STRADA: variants seen among roughly 807,000 people sequenced by gnomAD.
STRADA encodes STE20-related kinase adapter protein alpha.
In STRADA, 26 loss-of-function variants were observed where a neutral mutation model predicts 55.0. That is an observed-to-expected ratio of 0.47 (90% CI 0.35 to 0.66). STRADA has a LOEUF of 0.66. Among genes scored for constraint, STRADA ranks in the 30% least tolerant of loss-of-function variants. The probability of loss-of-function intolerance (pLI) is 0.01; values close to 1 mark genes in which losing one functional copy is unlikely to be tolerated. For missense variants in STRADA, 443 were observed against 549.7 expected, an observed-to-expected ratio of 0.81 and a Z score of 1.94; for synonymous variants, 197 against 210.9, an observed-to-expected ratio of 0.93 and a Z score of 0.57.
In STRADA at chr17:63,707,367, C is replaced by G; in HGVS notation, c.633G>C (p.Leu211=). 1 of 1,614,152 alleles carries G rather than the reference C, an allele frequency of 6.2e-7. No homozygotes were observed. Among genetic ancestry groups the G allele is most frequent in the Non-Finnish European group, 8.5e-7 (1 of 1,180,030 alleles). Residue 211 remains leucine (L), a synonymous_variant, in exon 9 of 13, where the codon CTG becomes CTC. Coordinates refer to ENST00000336174, the MANE Select transcript of STRADA (RefSeq NM_001003787.4). The part of the protein sequence containing the change: ...ILISVDGKVY[L]SGLRSNLSMI... ...TGCTGAGGTTGCTGCGCAAACCAGACAGGTAGACCTTCCCATCCACAGAGA... is the reference window on the plus strand; with the variant it reads ...TGCTGAGGTTGCTGCGCAAACCAGAGAGGTAGACCTTCCCATCCACAGAGA...
rs143993852 is a variant in STRADA, at chr17:63,703,450, T to C, written c.*149A>G. On this transcript the variant is annotated 3_prime_UTR_variant, in exon 13 of 13. Transcript: ENST00000336174. Reference sequence around the variant, plus strand: ...AGTGAAGTGTCTCTCCAGGATTTTCTTTCCCAATCAGTCAGCAGTCAACTT... The same window carrying C: ...AGTGAAGTGTCTCTCCAGGATTTTCCTTCCCAATCAGTCAGCAGTCAACTT... 2.8e-4 allele frequency: 205 copies of C among 744,922 alleles called. 1 individual carries two copies. The African/African-American group carries it at 3.4e-3, about 12-fold the overall frequency. The allele number at this position is 744,922 out of a possible 1,614,324, so 46.1% of individuals were successfully genotyped here.
chr17:63,703,841 G>C lies in STRADA; in HGVS notation c.1144-90C>G. On this transcript the variant is annotated intron_variant, in intron 12 of 12. Coordinates refer to ENST00000336174, the MANE Select transcript of STRADA (RefSeq NM_001003787.4). ...AAGGAACCATGGCCTGGTGGCAGAC[G>C]GGCTGTCGGAGCCAACTCCATGAGA... The C allele has an allele frequency of 3.1e-6, 5 of 1,609,768 alleles. No homozygotes were observed. In the South Asian group the frequency reaches 5.5e-5, roughly 18 times the overall value.
At chr17:63,725,454 C>T (rs1335751117) in intron 3 of STRADA, among the ~76,000 whole-genome samples, 1 of 151,916 alleles carries the variant, frequency 6.6e-6, no homozygotes, top group African/African-American at 2.4e-5. Flanking sequence ...CGAGTTCAAG[C>T]CATTCTCCTG....
chr17:63,704,748 A>T, intron 10 of STRADA, 166 bp from the exon 11 acceptor site: 1 of 1,525,896 alleles, frequency 6.6e-7, no homozygotes, highest in Non-Finnish European at 8.8e-7. Context: ...TCCCAAAGAA[A>T]CGCTGGTCAC....
In STRADA at chr17:63,711,945, A is replaced by G. The variant is rs183151850; in HGVS notation, c.349-1109T>C. On this transcript the variant is annotated intron_variant, in intron 6 of 12. Coordinates refer to ENST00000336174, the MANE Select transcript of STRADA (RefSeq NM_001003787.4). ...GCCAGACCTTGTCTCAAATAAAGAA[A>G]AAAAAAAGAAAAAGAAAACACAGTT... 8.5e-5 allele frequency among the ~76,000 whole-genome samples: 13 copies of G among 152,252 alleles called. No individual in the cohort carries two copies. In the East Asian group the frequency reaches 2.5e-3, roughly 29 times the overall value.
intron 1 of STRADA, among the ~76,000 whole-genome samples, chr17:63,738,038 C>T (rs977868999): frequency 4.0e-5 from 6 of 150,002 alleles, no homozygotes; most frequent in Non-Finnish European, 5.9e-5. Context: ...CGAAAAGAAA[C>T]GAAAAGAAAA....
chr17:63,704,247 G>A (rs373325629), intron 11 of STRADA, 94 bp downstream of exon 11: 24 of 1,564,550 alleles, frequency 1.5e-5, no homozygotes, highest in East Asian at 2.3e-5. Context: ...TTCCCCTGCA[G>A]AACCTTTGGG....
rs775735734 is a variant in STRADA at position 63,728,323 on chromosome 17, A to G, written c.36+11T>C. The G allele has an allele frequency of 1.9e-6, 3 of 1,613,216 alleles. No homozygotes were observed. The highest frequency in any genetic ancestry group is 4.5e-5 in the East Asian group (2 of 44,856). ...AAAATAGTAAAGCCAGAAGAATAGA[A>G]AAACACTCACCCTGATTCGCTCTGG... On this transcript the variant is annotated intron_variant, in intron 2 of 12. Coordinates refer to ENST00000336174, the MANE Select transcript of STRADA (RefSeq NM_001003787.4).
chr17:63,703,325 C>T lies in STRADA; in HGVS notation c.*274G>A, dbSNP rs560753902. ...GGGCCAGAGCAGCATCTCTCTTCTG[C>T]GGAGGAGGTCACCTGAGCTCACAGG... On this transcript the variant is annotated 3_prime_UTR_variant, in exon 13 of 13. Transcript: ENST00000336174. The T allele has an allele frequency of 2.6e-5, 9 of 352,870 alleles. No homozygotes were observed. Among genetic ancestry groups the T allele is most frequent in the East Asian group, 5.6e-5 (1 of 17,910 alleles). 21.9% of individuals were successfully genotyped at this position (352,870 alleles called of 1,614,324 possible).
intron 1 of STRADA, among the ~76,000 whole-genome samples, chr17:63,740,107 T>TATATATATATATATATATATATATAA (rs1309095081): frequency 4.0e-5 from 2 of 49,650 alleles, no homozygotes; most frequent in East Asian, 6.6e-4. Flanking sequence ...TATATATATA[T>TATATATATATATATATATATATATAA]ACATACATAC....
intron 1 of STRADA, among the ~76,000 whole-genome samples, chr17:63,731,256 CTTTTTTTTT>C (rs60777564): frequency 5.1e-5 from 4 of 78,044 alleles, no homozygotes; most frequent in Non-Finnish European, 8.6e-5. Flanking sequence ...ATATTCTTTC[CTTTTTTTTT>C]TTTTTTTTTT....
At chr17:63,713,250 G>C (rs2036625319) in intron 6 of STRADA, among the ~76,000 whole-genome samples, 156 bp downstream of exon 6, 1 of 152,066 alleles carries the variant, frequency 6.6e-6, no homozygotes, top group Non-Finnish European at 1.5e-5. Context: ...CAGCATTTCA[G>C]CCCAATCCTT....
intron 4 of STRADA, among the ~76,000 whole-genome samples, chr17:63,717,934 AATTATT>A (rs1240233773): frequency 2.0e-5 from 3 of 150,772 alleles, no homozygotes; most frequent in East Asian, 2.0e-4. Flanking sequence ...AATTTTTAAA[AATTATT>A]ATTATTATTA....
At chr17:63,731,242 C>T (rs1483509939) in intron 1 of STRADA, among the ~76,000 whole-genome samples, 3 of 147,218 alleles carry the variant, frequency 2.0e-5, no homozygotes, top group Admixed American at 1.4e-4. Context: ...TGCACCTGGC[C>T]CTGATATTCT....
At chr17:63,718,646 C>T (rs990393010) in intron 4 of STRADA, 2 of 152,206 alleles carry the variant, frequency 1.3e-5, no homozygotes, top group African/African-American at 4.8e-5. Context: ...TGATCTCATT[C>T]CACACCACGC....
At chr17:63,721,029 G>C (rs1431917990) in intron 4 of STRADA, among the ~76,000 whole-genome samples, 2 of 151,502 alleles carry the variant, frequency 1.3e-5, no homozygotes, top group African/African-American at 4.9e-5. Context: ...CCAGGTGGCA[G>C]ACGTTGCAGT....
At position 63,706,389 on chromosome 17, in the gene STRADA, G is replaced by A. The variant is rs1469587611; in HGVS notation, c.858+246C>T. On this transcript the variant is annotated intron_variant, in intron 10 of 12. Transcript: ENST00000336174. The stretch of plus-strand genomic sequence containing the variant: ...TGTTTTAAATAGACATGTAGCGTGT[G>A]GGCCTCCATTTGCACCCCTGCTCCC... 4 of 482,306 alleles carry A rather than the reference G, an allele frequency of 8.3e-6. No homozygotes were observed. The Admixed American group carries it at 1.1e-4, about 13-fold the overall frequency. The allele number at this position is 482,306 out of a possible 1,614,324, so 29.9% of individuals were successfully genotyped here.
chr17:63,726,511 A>T, intron 3 of STRADA, 127 bp downstream of exon 3: 1 of 862,746 alleles, frequency 1.2e-6, no homozygotes, highest in Non-Finnish European at 1.7e-6. Flanking sequence ...AAAGGAACCA[A>T]AGAAATCCAA....
chr17:63,728,805 T>A (rs1448808618), intron 1 of STRADA, among the ~76,000 whole-genome samples: 2 of 145,042 alleles, frequency 1.4e-5, no homozygotes, highest in Non-Finnish European at 3.0e-5. Context: ...TACTTAAGAA[T>A]CGTTTGAACC....
Sources: allele counts gnomAD v4.1 joint callset (sites outside exome capture counted in the v4.1 genomes callset), GRCh38; gene constraint gnomAD v4.1.1; transcripts MANE v1.5; gene names NCBI Gene and HGNC (gene_info 2026-07-23, HGNC 2026-07-21).